The following METTL21A variants were observed in gnomAD, a reference collection of about 807,000 sequenced individuals.
METTL21A encodes methyltransferase 21A, HSPA lysine, also known as protein N-lysine methyltransferase METTL21A.
Under a neutral mutation model 20.9 loss-of-function variants are expected in METTL21A, and 22 were observed. That is an observed-to-expected ratio of 1.05 (90% CI 0.75 to 1.50). The LOEUF (loss-of-function observed/expected upper bound fraction) is 1.50. METTL21A is among the 40% of genes most tolerant of loss of function. The probability of loss-of-function intolerance (pLI) is 0.00; values close to 1 mark genes in which losing one functional copy is unlikely to be tolerated. For missense variants in METTL21A, 271 were observed against 266.8 expected, an observed-to-expected ratio of 1.02 and a Z score of -0.11; for synonymous variants, 93 against 102.0, an observed-to-expected ratio of 0.91 and a Z score of 0.53.
chr2:207,592,938 T>C (rs2085363248), intron 3 of METTL21A, among the ~76,000 whole-genome samples: 1 of 35,898 alleles, frequency 2.8e-5, no homozygotes, highest in Non-Finnish European at 5.6e-5. Context: ...TTCTCAGATA[T>C]ACTTTCTTCA....
chr2:207,598,950 G>A (rs2086622046), intron 3 of METTL21A: 1 of 183,720 alleles, frequency 5.4e-6, no homozygotes, highest in South Asian at 2.0e-4. Flanking sequence ...ATTTAAGAAA[G>A]TCAAGCTTGT....
chr2:207,613,163 A>C (rs1209282220), exon 4 of METTL21A: 1 of 1,614,104 alleles, frequency 6.2e-7, no homozygotes, highest in East Asian at 2.2e-5. Flanking sequence ...AGAAGTTGTT[A>C]TCCCGTTCAT....
At chr2:207,582,261 TTCTTTTC>T (rs2083064550) in intron 3 of METTL21A, 4 of 666,404 alleles carry the variant, frequency 6.0e-6, no homozygotes, top group East Asian at 2.7e-5. Context: ...TGCAGATATA[TTCTTTTC>T]TCTTTAAAGT....
At chr2:207,620,808 T>C in intron 3 of METTL21A, 1 of 951,774 alleles carries the variant, frequency 1.1e-6, no homozygotes, top group Non-Finnish European at 1.5e-6. Context: ...GAAAAAGAAA[T>C]AGTGAAAAAG....
chr2:207,599,200 C>G (rs374925108), intron 3 of METTL21A: 1 of 198,310 alleles, frequency 5.0e-6, no homozygotes, highest in Non-Finnish European at 1.0e-5. Context: ...GATGTTTGTC[C>G]TGCTGAGCTA....
intron 3 of METTL21A, 146 bp from the exon 4 acceptor site, chr2:207,613,589 T>C (rs1472743537): frequency 2.8e-6 from 2 of 718,924 alleles, no homozygotes; most frequent in Non-Finnish European, 4.3e-6. Context: ...ACAGCTGCAA[T>C]AGAAAAATGA....
chr2:207,581,998 A>G, exon 4 of METTL21A: 1 of 700,228 alleles, frequency 1.4e-6, no homozygotes, highest in South Asian at 1.5e-5. Context: ...ACAGAGGTAT[A>G]GTGTGCCTTT....
intron 3 of METTL21A, among the ~76,000 whole-genome samples, chr2:207,585,578 A>G (rs1053147403): frequency 1.3e-5 from 2 of 152,098 alleles, no homozygotes; most frequent in East Asian, 3.8e-4. Context: ...AACAGATCTC[A>G]AAGAACCAGG....
chr2:207,621,770 G>T (rs2090502672), intron 3 of METTL21A, 36 bp downstream of exon 3: 1 of 1,555,476 alleles, frequency 6.4e-7, no homozygotes, highest in African/African-American at 1.4e-5. Flanking sequence ...CTCTCAATGA[G>T]TTCTGCTCAC....
Position 207,602,977 on chromosome 2 carries a change from G to A in METTL21A, c.259+18829C>T, listed in dbSNP as rs373213291. 130 of 214,558 alleles carry A rather than the reference G, an allele frequency of 6.1e-4. 1 individual carries two copies. The East Asian group carries it at 8.5e-3, about 14-fold the overall frequency. 13.3% of individuals were successfully genotyped at this position (214,558 alleles called of 1,614,324 possible). A position where few individuals can be genotyped will look rare whatever the true frequency, so the allele number is the denominator to read the frequency against. The stretch of plus-strand genomic sequence containing the variant: ...AAATAATCAGGGAAGTTCCTAGAAA[G>A]GTGTTTGGCTTTTTGGTTTTTGAGG... On this transcript the variant is annotated intron_variant, in intron 3 of 3. Transcript: ENST00000425132.
downstream of METTL21A, among the ~76,000 whole-genome samples, chr2:207,608,595 C>G (rs1369709280): frequency 6.6e-6 from 1 of 152,144 alleles, no homozygotes; most frequent in Non-Finnish European, 1.5e-5. Context: ...CCACCCTGCC[C>G]CATCCACGTT....
chr2:207,589,762 A>T (rs1464193963), intron 3 of METTL21A, among the ~76,000 whole-genome samples: 1 of 152,202 alleles, frequency 6.6e-6, no homozygotes, highest in African/African-American at 2.4e-5. Context: ...AATTACATTC[A>T]TACTCCAATT....
chr2:207,622,313 G>A (rs1273210133), intron 2 of METTL21A, among the ~76,000 whole-genome samples: 1 of 151,900 alleles, frequency 6.6e-6, no homozygotes, highest in Non-Finnish European at 1.5e-5. Context: ...GGACACAGGC[G>A]TGCACCACCA....
At chr2:207,613,755 G>A (rs1230575387) in intron 3 of METTL21A, among the ~76,000 whole-genome samples, 4 of 152,214 alleles carry the variant, frequency 2.6e-5, no homozygotes, top group African/African-American at 4.8e-5. Flanking sequence ...AGGCCAAAGC[G>A]GGTGGATCAC....
rs532944218 is a variant in METTL21A, at chr2:207,601,814, GATAA to G, written c.260-19658_260-19655del. ...TAAGGCTGTAGGTGAAGAGTTGTGA[GATAA>G]ATAGTTCACTCAGTTGTACAAAGCA... On this transcript the variant is annotated intron_variant, in intron 3 of 3. Coordinates refer to the METTL21A transcript ENST00000425132. 8 of 219,396 alleles carry G rather than the reference GATAA, an allele frequency of 3.6e-5. No individual in the cohort carries two copies. The South Asian group carries it at 1.1e-3, about 31-fold the overall frequency. 13.6% of individuals were successfully genotyped at this position (219,396 alleles called of 1,614,324 possible).
At chr2:207,608,864 T>C (rs1482075110), downstream of METTL21A, among the ~76,000 whole-genome samples, 4 of 152,218 alleles carry the variant, frequency 2.6e-5, no homozygotes, top group African/African-American at 7.2e-5. Flanking sequence ...GAGGCGGAGC[T>C]TGCAGTGAGC....
chr2:207,613,361 G>A (rs765597600), exon 4 of METTL21A: 7 of 1,613,208 alleles, frequency 4.3e-6, no homozygotes, highest in Non-Finnish European at 5.9e-6. Flanking sequence ...TTTTAGTTTG[G>A]ATATGAGGAG....
downstream of METTL21A, among the ~76,000 whole-genome samples, chr2:207,605,792 A>G (rs1401905766): frequency 6.6e-6 from 1 of 152,234 alleles, no homozygotes; most frequent in Admixed American, 6.5e-5. Context: ...CTAGGTCTAC[A>G]CAAGTTGTAT....
At chr2:207,603,734 A>T (rs889116230) in intron 3 of METTL21A, among the ~76,000 whole-genome samples, 7 of 152,190 alleles carry the variant, frequency 4.6e-5, no homozygotes, top group African/African-American at 1.7e-4. Context: ...GTGTTCACTG[A>T]AAGGACAATA....
Sources: allele counts gnomAD v4.1 joint callset (sites outside exome capture counted in the v4.1 genomes callset), GRCh38; gene constraint gnomAD v4.1.1; transcripts MANE v1.5; gene names NCBI Gene and HGNC (gene_info 2026-07-23, HGNC 2026-07-21).